CNNM2: variants seen among roughly 807,000 people sequenced by gnomAD.
CNNM2 encodes the protein cyclin and CBS domain divalent metal cation transport mediator 2, also known as metal transporter CNNM2.
CNNM2 carries 12 observed loss-of-function variants against 66.9 expected under a neutral mutation model. The ratio of observed to expected loss-of-function variants is 0.18; its 90% CI spans 0.11 to 0.29. The LOEUF is 0.29. Ranked by LOEUF, CNNM2 falls within the 10% of genes least tolerant of loss-of-function variation. The pLI is 1.00. For missense variants in CNNM2, 705 were observed against 1,167.7 expected (o/e 0.60, Z 5.77); for synonymous variants, 557 against 501.8 (o/e 1.11, Z -1.47).
intron 1 of CNNM2, among the ~76,000 whole-genome samples, chr10:102,962,882 A>G (rs1020358753): frequency 6.6e-6 from 1 of 152,236 alleles, no homozygotes; most frequent in African/African-American, 2.4e-5. Context: ...ACATTAGTGT[A>G]AAATAATGAT....
intron 1 of CNNM2, among the ~76,000 whole-genome samples, chr10:103,028,887 A>G (rs1307459265): frequency 8.0e-6 from 1 of 125,514 alleles, no homozygotes; most frequent in Non-Finnish European, 1.5e-5. Context: ...CAGTGATGTG[A>G]TATCGGCTCA....
At chr10:103,043,401 T>C (rs568567251) in intron 1 of CNNM2, among the ~76,000 whole-genome samples, 6 of 152,246 alleles carry the variant, frequency 3.9e-5, no homozygotes, top group Non-Finnish European at 8.8e-5. Flanking sequence ...CAACATTGTC[T>C]GATAGCAAAC....
At chr10:103,063,371 A>G (rs778669898) in intron 4 of CNNM2, among the ~76,000 whole-genome samples, 39 of 152,148 alleles carry the variant, frequency 2.6e-4, no homozygotes, top group Non-Finnish European at 5.0e-4. Flanking sequence ...CCCCCTGAAT[A>G]CTTTGTGATG....
chr10:103,059,535 A>G (rs1248601366), intron 4 of CNNM2, among the ~76,000 whole-genome samples: 4 of 152,242 alleles, frequency 2.6e-5, no homozygotes, highest in Non-Finnish European at 5.9e-5. Flanking sequence ...ACATATGCAT[A>G]AAAAAGCCAA....
chr10:102,956,792 G>A (rs1375517317), intron 1 of CNNM2, among the ~76,000 whole-genome samples: 2 of 152,062 alleles, frequency 1.3e-5, no homozygotes, highest in African/African-American at 4.8e-5. Context: ...GACACAGGGC[G>A]GGGAACAACA....
rs146699413 is a variant in CNNM2, at chr10:103,066,239, A to G, written c.2074-2390A>G. Among the ~76,000 whole-genome samples the G allele has an allele frequency of 4.9e-3, 745 of 151,984 alleles. 1 individual carries two copies. Among genetic ancestry groups the G allele is most frequent in the African/African-American group, 0.017 (713 of 41,410 alleles). On this transcript the variant is annotated intron_variant, in intron 4 of 7. Coordinates refer to ENST00000369878, the MANE Select transcript of CNNM2 (RefSeq NM_017649.5). ...TCAGTTTTCCCTGCTGCTCTCAGTC[A>G]CGGGCTGAGCTTCGGTCCTTTTCCT...
chr10:103,077,135 G>A lies in CNNM2; in HGVS notation c.2583G>A (p.Thr861=), dbSNP rs772898439. The change falls in exon 8 of 8, where the codon ACG becomes ACA. Residue 861 remains threonine, a synonymous_variant. Transcript: ENST00000369878. The part of the protein sequence containing the change: ...ANLLNEQNCV[T]HSKANHSLHN... The stretch of plus-strand genomic sequence containing the variant: ...TGCTCAACGAACAGAACTGTGTGAC[G>A]CACAGTAAGGCCAACCACAGCCTGC... 1.7e-5 allele frequency: 27 copies of A among 1,613,682 alleles called. No individual in the cohort carries two copies. The highest frequency in any genetic ancestry group is 2.7e-5 in the African/African-American group (2 of 74,922).
intron 1 of CNNM2, among the ~76,000 whole-genome samples, chr10:103,004,243 T>G (rs572934928): frequency 6.6e-6 from 1 of 152,280 alleles, no homozygotes; most frequent in South Asian, 2.1e-4. Flanking sequence ...CCTCAGGTGA[T>G]CTGCCCGCCT....
At chr10:103,047,822 G>A (rs1264319880) in intron 1 of CNNM2, among the ~76,000 whole-genome samples, 3 of 152,146 alleles carry the variant, frequency 2.0e-5, no homozygotes, top group East Asian at 1.9e-4. Flanking sequence ...TTTAACAATC[G>A]TTTGTTAATA....
At chr10:103,061,396 A>T (rs897334143) in intron 4 of CNNM2, among the ~76,000 whole-genome samples, 2 of 152,132 alleles carry the variant, frequency 1.3e-5, no homozygotes, top group African/African-American at 2.4e-5. Flanking sequence ...GTCTCAAAAA[A>T]ATATATATAA....
intron 1 of CNNM2, among the ~76,000 whole-genome samples, chr10:102,946,397 A>G (rs1169020322): frequency 3.3e-5 from 5 of 152,100 alleles, no homozygotes; most frequent in African/African-American, 4.8e-5. Context: ...CTTGTGATAT[A>G]TTGATTGTTG....
chr10:102,991,854 C>T (rs940606608), intron 1 of CNNM2, among the ~76,000 whole-genome samples: 26 of 152,100 alleles, frequency 1.7e-4, no homozygotes, highest in Admixed American at 1.7e-3. Flanking sequence ...AATAGTTTAA[C>T]CAGTAACACT....
chr10:103,044,425 G>A (rs1252336545), intron 1 of CNNM2, among the ~76,000 whole-genome samples: 2 of 152,072 alleles, frequency 1.3e-5, no homozygotes, highest in African/African-American at 2.4e-5. Flanking sequence ...GCATGGTGGT[G>A]CACGCCTATA....
chr10:102,942,100 A>T (rs1846455328), intron 1 of CNNM2, among the ~76,000 whole-genome samples: 1 of 152,238 alleles, frequency 6.6e-6, no homozygotes, highest in South Asian at 2.1e-4. Context: ...GATCTTAGGA[A>T]CTAATCAGAA....
chr10:103,005,636 C>T (rs1025976537), intron 1 of CNNM2, among the ~76,000 whole-genome samples: 11 of 152,058 alleles, frequency 7.2e-5, no homozygotes, highest in East Asian at 3.9e-4. Context: ...GCAACAAGAG[C>T]GAAACTCCGT....
rs564098617 is a variant in CNNM2, at chr10:102,976,531, C to T, written c.1621+56430C>T. Among the ~76,000 whole-genome samples, 9 of 147,022 alleles carry T rather than the reference C, an allele frequency of 6.1e-5. No homozygotes were observed. The East Asian group carries it at 1.2e-3, about 20-fold the overall frequency. ...TTAGATTGCAGCTTACTGCAACCTC[C>T]GCCTTCTGGGTTCAAGCAGTTCCCT... On this transcript the variant is annotated intron_variant, in intron 1 of 7. Transcript: ENST00000369878.
At chr10:103,026,091 A>C (rs1476974683) in intron 1 of CNNM2, among the ~76,000 whole-genome samples, 1 of 152,204 alleles carries the variant, frequency 6.6e-6, no homozygotes, top group Non-Finnish European at 1.5e-5. Context: ...ATGACACAGC[A>C]TGAAGGCCCT....
intron 1 of CNNM2, among the ~76,000 whole-genome samples, chr10:102,943,315 C>T (rs1846494255): frequency 6.6e-6 from 1 of 152,148 alleles, no homozygotes; most frequent in Non-Finnish European, 1.5e-5. Context: ...GTAGTCCCAG[C>T]TCCTTGGGAG....
At chr10:102,934,786 G>A (rs1242191855) in intron 1 of CNNM2, among the ~76,000 whole-genome samples, 2 of 151,648 alleles carry the variant, frequency 1.3e-5, no homozygotes, top group African/African-American at 4.8e-5. Context: ...CAAGGCTGCA[G>A]TGAGCAAGCT....
Sources: gnomAD v4.1 joint callset for allele counts (sites outside exome capture counted in the v4.1 genomes callset) on GRCh38, gnomAD v4.1.1 for gene constraint, MANE v1.5 for transcripts, NCBI Gene and HGNC (gene_info 2026-07-23, HGNC 2026-07-21) for gene names.